The following ARHGEF11 variants were observed in gnomAD, a reference collection of about 807,000 sequenced individuals.
ARHGEF11 encodes the protein Rho guanine exchange factor (GEF) 11.
In ARHGEF11, 55 loss-of-function variants were observed where a neutral mutation model predicts 193.7. That is an observed-to-expected ratio of 0.28 (90% CI 0.23 to 0.36). The LOEUF is 0.36. Ranked by LOEUF, ARHGEF11 falls within the 10% of genes least tolerant of loss-of-function variation. The pLI, the probability that ARHGEF11 is intolerant of heterozygous loss-of-function variation, is 1.00. For synonymous variants in ARHGEF11, 693 were observed against 768.0 expected, an observed-to-expected ratio of 0.90 and a Z score of 1.62; for missense variants, 1,723 against 2,005.6, an observed-to-expected ratio of 0.86 and a Z score of 2.69.
chr1:156,937,180 C>T (rs1655603914), intron 39 of ARHGEF11, 69 bp downstream of exon 39: 6 of 1,602,812 alleles, frequency 3.7e-6, no homozygotes, highest in African/African-American at 2.7e-5. Flanking sequence ...ACACACATCT[C>T]ACTCATGGGG....
rs376985311 is a variant in ARHGEF11, at chr1:156,941,389, G to A, written c.3497C>T (p.Pro1166Leu). ...GCCCTTACCTCCAGGCAGCTCCTCA[G>A]GTTCAGGTTCACCATGGAACACGTC... is the stretch of plus-strand genomic sequence containing the variant. ...DSDVFHGEPE[P>L]EELPGGTGSQ... The change falls in exon 35 of 41, where the codon CCT becomes CTT. Residue 1166 changes from proline (P) to leucine (L), a missense_variant. This residue lies in a region of ARHGEF11 where 203 missense variants were observed against 237.3 expected (regional missense o/e 0.86). Transcript: ENST00000368194. The A allele has an allele frequency of 3.7e-6, 6 of 1,613,476 alleles. No individual in the cohort carries two copies. Among genetic ancestry groups the A allele is most frequent in the Non-Finnish European group, 5.1e-6 (6 of 1,179,742 alleles).
intron 7 of ARHGEF11, among the ~76,000 whole-genome samples, chr1:156,974,759 C>T (rs890127917): frequency 5.3e-5 from 8 of 152,220 alleles, no homozygotes; most frequent in Admixed American, 2.0e-4. Flanking sequence ...TGGAATAATA[C>T]GACCTGTAGA....
In ARHGEF11 at chr1:156,986,179, G is replaced by A; in HGVS notation, c.33-6C>T. 6.2e-7 allele frequency: 1 copy of A among 1,611,736 alleles called. No homozygotes were observed. The highest frequency in any genetic ancestry group is 1.7e-4 in the Middle Eastern group (1 of 6,052). On this transcript the variant is annotated splice_polypyrimidine_tract_variant and splice_region_variant and intron_variant, in intron 1 of 40. Transcript: ENST00000368194. ...GAGAAGACAGGCTACTTAACCTGGA[G>A]AAGGAGTAAGGAAAGCATGTCAATG...
intron 2 of ARHGEF11, 106 bp downstream of exon 2, chr1:156,985,976 C>T (rs1664860403): frequency 1.1e-6 from 1 of 884,754 alleles, no homozygotes; most frequent in South Asian, 1.5e-5. Context: ...CAGACCAGAG[C>T]TCTTCGGCTC....
chr1:157,000,343 A>T (rs187663941), intron 1 of ARHGEF11, among the ~76,000 whole-genome samples: 1 of 152,360 alleles, frequency 6.6e-6, no homozygotes, highest in Non-Finnish European at 1.5e-5. Context: ...CATGAAAGTG[A>T]TAATACCTTA....
intron 1 of ARHGEF11, among the ~76,000 whole-genome samples, chr1:156,993,448 GGATA>G (rs1162228613): frequency 6.6e-6 from 1 of 151,990 alleles, no homozygotes; most frequent in African/African-American, 2.4e-5. Context: ...TAAAATAGAT[GGATA>G]GAGAAAGATA....
intron 1 of ARHGEF11, among the ~76,000 whole-genome samples, chr1:156,986,847 C>T (rs549922866): frequency 1.3e-4 from 20 of 152,322 alleles, no homozygotes; most frequent in East Asian, 7.7e-4. Flanking sequence ...AGTAGAGGAA[C>T]GGCCCAAGCC....
intron 1 of ARHGEF11, among the ~76,000 whole-genome samples, chr1:157,015,787 G>A (rs1485298119): frequency 6.6e-6 from 1 of 152,178 alleles, no homozygotes; most frequent in Admixed American, 6.5e-5. Context: ...GACTCTTGGC[G>A]ACCTGGCCCA....
intron 2 of ARHGEF11, chr1:156,985,728 G>GC (rs1664813240): frequency 7.3e-6 from 1 of 136,470 alleles, no homozygotes; most frequent in Non-Finnish European, 1.5e-5. Flanking sequence ...CCAGCCATGT[G>GC]CCTTTTTTTT....
chr1:157,033,487 C>T (rs996536501), intron 1 of ARHGEF11, among the ~76,000 whole-genome samples: 1 of 152,174 alleles, frequency 6.6e-6, no homozygotes, highest in East Asian at 1.9e-4. Flanking sequence ...CACCCTTTCA[C>T]TTGTTTAATC....
chr1:157,002,335 G>T (rs998212717), intron 1 of ARHGEF11, among the ~76,000 whole-genome samples: 2 of 152,172 alleles, frequency 1.3e-5, no homozygotes, highest in Non-Finnish European at 2.9e-5. Context: ...ATTCTCCATC[G>T]AGTGAGGCAC....
intron 1 of ARHGEF11, among the ~76,000 whole-genome samples, chr1:156,987,898 G>C (rs892153756): frequency 2.0e-5 from 3 of 152,162 alleles, no homozygotes; most frequent in African/African-American, 7.2e-5. Context: ...AACCACAACA[G>C]AGCCAAGAGT....
intron 34 of ARHGEF11, among the ~76,000 whole-genome samples, chr1:156,941,651 T>C (rs772545017): frequency 7.9e-5 from 12 of 152,150 alleles, no homozygotes; most frequent in Non-Finnish European, 1.5e-5. Flanking sequence ...AGCTCTATTA[T>C]AGCCAGGTGG....
At chr1:156,971,636 C>T (rs1269917653) in intron 8 of ARHGEF11, 61 bp downstream of exon 8, 15 of 1,553,562 alleles carry the variant, frequency 9.7e-6, no homozygotes, top group Non-Finnish European at 1.3e-5. Context: ...TGCTTTTTCC[C>T]TCACTCTACC....
chr1:157,032,543 G>A (rs979054776), intron 1 of ARHGEF11, among the ~76,000 whole-genome samples: 3 of 152,130 alleles, frequency 2.0e-5, no homozygotes, highest in Non-Finnish European at 4.4e-5. Context: ...GATTCTAAAG[G>A]ATTCTAAAGA....
intron 1 of ARHGEF11, among the ~76,000 whole-genome samples, chr1:157,010,096 G>A (rs1369555494): frequency 1.3e-5 from 2 of 152,178 alleles, no homozygotes; most frequent in East Asian, 1.9e-4. Flanking sequence ...AACTTAGGGA[G>A]GCCAAGGAGG....
At chr1:156,979,089 G>T in intron 5 of ARHGEF11, 140 bp downstream of exon 5, 1 of 743,240 alleles carries the variant, frequency 1.3e-6, no homozygotes, top group Non-Finnish European at 2.3e-6. Flanking sequence ...TCCATGTTAC[G>T]ATTAAAGATG....
At chr1:156,994,645 G>A (rs189776639) in intron 1 of ARHGEF11, among the ~76,000 whole-genome samples, 1 of 152,252 alleles carries the variant, frequency 6.6e-6, no homozygotes, top group East Asian at 1.9e-4. Flanking sequence ...CAGAGAACTC[G>A]TGTGTTGAGA....
chr1:156,943,891 T>C (rs373154733), intron 32 of ARHGEF11, 44 bp downstream of exon 32: 1 of 1,575,310 alleles, frequency 6.3e-7, no homozygotes, highest in Non-Finnish European at 8.6e-7. Context: ...TTGCTGGACA[T>C]GGTCCCTGAG....
Sources: allele counts gnomAD v4.1 joint callset (sites outside exome capture counted in the v4.1 genomes callset), GRCh38; gene constraint gnomAD v4.1.1; regional missense constraint gnomAD v4.1.1; transcripts MANE v1.5; gene names NCBI Gene and HGNC (gene_info 2026-07-23, HGNC 2026-07-21).